Variants in MAML3 observed in about 807,000 individuals in gnomAD.
MAML3 encodes the protein mastermind-like protein 3.
Under a neutral mutation model 101.9 loss-of-function variants are expected in MAML3, and 27 were observed. That is an observed-to-expected ratio of 0.27 (90% confidence interval 0.20 to 0.37). The LOEUF is 0.37. Ranked by LOEUF, MAML3 falls within the 10% of genes least tolerant of loss-of-function variation. MAML3 has a pLI of 1.00. For synonymous variants in MAML3, 501 were observed against 555.9 expected, an observed-to-expected ratio of 0.90 and a Z score of 1.39; for missense variants, 1,316 against 1,444.9, an observed-to-expected ratio of 0.91 and a Z score of 1.45.
rs145496327 is a variant in MAML3 at position 139,832,310 on chromosome 4, C to T, written c.2079+57047G>A. On this transcript the variant is annotated intron_variant, in intron 2 of 4. Transcript: ENST00000509479. ...TTTATTTTTAGTAGACAGGGTTTTG[C>T]GATGTTGCCTAGGCTGGTCTTGAAG... Among the ~76,000 whole-genome samples, 1,409 of 149,602 alleles carry T rather than the reference C, an allele frequency of 9.4e-3. 24 individuals are homozygous for T. Among genetic ancestry groups the T allele is most frequent in the African/African-American group, 0.033 (1,317 of 40,226 alleles).
At chr4:139,888,683 G>A (rs137882411) in intron 2 of MAML3, 31 of 518,600 alleles carry the variant, frequency 6.0e-5, no homozygotes, top group African/African-American at 5.0e-4. Context: ...ACAGCACTAA[G>A]ATATATTCAC....
intron 2 of MAML3, among the ~76,000 whole-genome samples, chr4:139,736,306 A>C (rs1397283062): frequency 1.3e-5 from 2 of 152,232 alleles, no homozygotes; most frequent in Non-Finnish European, 2.9e-5. Context: ...TTTATTAGTA[A>C]GTTTGAGAAG....
chr4:140,032,603 G>T (rs112943464), intron 1 of MAML3, among the ~76,000 whole-genome samples: 2,731 of 152,140 alleles, frequency 0.018, 90 homozygotes, highest in African/African-American at 0.061. Flanking sequence ...AATACTGAAA[G>T]TATTAGACTC....
At chr4:140,002,574 A>G (rs1734943668) in intron 1 of MAML3, among the ~76,000 whole-genome samples, 1 of 152,230 alleles carries the variant, frequency 6.6e-6, no homozygotes, top group Non-Finnish European at 1.5e-5. Flanking sequence ...ATTCCACCAT[A>G]CTATAGGTTC....
chr4:139,921,732 C>T (rs557639999), intron 1 of MAML3, among the ~76,000 whole-genome samples: 2 of 152,148 alleles, frequency 1.3e-5, no homozygotes, highest in Non-Finnish European at 2.9e-5. Context: ...TCTCCCACTG[C>T]AGCACCTGGG....
At chr4:139,737,698 C>A (rs1729000316) in intron 2 of MAML3, among the ~76,000 whole-genome samples, 2 of 152,094 alleles carry the variant, frequency 1.3e-5, no homozygotes, top group South Asian at 2.1e-4. Context: ...CCTTACAATT[C>A]CCTTTGAAGT....
chr4:139,952,981 T>C lies in MAML3; in HGVS notation c.469-62014A>G, dbSNP rs910308864. Among the ~76,000 whole-genome samples the C allele has an allele frequency of 5.3e-5, 8 of 152,174 alleles. No homozygotes were observed. The East Asian group carries it at 1.3e-3, about 26-fold the overall frequency. ...TGGATGACAGAGAAAAAAACTCATA[T>C]TTGAGGTCACTGGGGATTTCAGGGT... is the stretch of plus-strand genomic sequence containing the variant. On this transcript the variant is annotated intron_variant, in intron 1 of 4. Transcript: ENST00000509479.
intron 2 of MAML3, among the ~76,000 whole-genome samples, chr4:139,879,965 G>A (rs138136731): frequency 6.5e-4 from 99 of 152,198 alleles, no homozygotes; most frequent in African/African-American, 1.9e-3. Context: ...CTGAGCTTAG[G>A]AGTTTGTGAC....
intron 1 of MAML3, among the ~76,000 whole-genome samples, chr4:140,121,120 TATG>T (rs1181032499): frequency 2.0e-5 from 3 of 152,348 alleles, no homozygotes; most frequent in Admixed American, 6.5e-5. Flanking sequence ...CGCATAAAAC[TATG>T]ATGAACTCAG....
chr4:139,742,048 CT>C (rs771719531), intron 2 of MAML3, among the ~76,000 whole-genome samples: 65 of 152,240 alleles, frequency 4.3e-4, no homozygotes, highest in Admixed American at 1.9e-3. Flanking sequence ...TAACACAGCC[CT>C]TGACTCCACG....
rs540976172 is a variant in MAML3 at position 139,719,968 on chromosome 4, G to C, written c.2772C>G (p.Ala924=). 1 of 1,614,082 alleles carries C rather than the reference G, an allele frequency of 6.2e-7. No homozygotes were observed. Among genetic ancestry groups the C allele is most frequent in the Admixed American group, 1.7e-5 (1 of 60,032 alleles). Residue 924 remains alanine (A), a synonymous_variant, in exon 5 of 5, where the codon GCC becomes GCG. Transcript: ENST00000509479. ...GFGQSMLVNS[A]ITQQHPQMKG... ...TCATCTGTGGATGTTGCTGGGTAAT[G>C]GCTGAGTTCACCAGCATGCTCTGAC...
intron 2 of MAML3, chr4:139,889,066 C>T: frequency 1.9e-6 from 1 of 522,178 alleles, no homozygotes. Flanking sequence ...CCTCTGCAGC[C>T]TCCCTCCCTC....
At chr4:139,795,731 C>T (rs928951643) in intron 2 of MAML3, among the ~76,000 whole-genome samples, 3 of 152,132 alleles carry the variant, frequency 2.0e-5, no homozygotes, top group African/African-American at 4.8e-5. Context: ...GTCTTTTTAG[C>T]GGACCTCCTG....
chr4:139,727,600 G>T (rs902555123), intron 3 of MAML3, among the ~76,000 whole-genome samples: 1 of 152,148 alleles, frequency 6.6e-6, no homozygotes, highest in African/African-American at 2.4e-5. Context: ...AAAATGATGG[G>T]ACTTCATGAT....
At chr4:139,749,609 G>T (rs1473525687) in intron 2 of MAML3, among the ~76,000 whole-genome samples, 1 of 152,228 alleles carries the variant, frequency 6.6e-6, no homozygotes, top group Non-Finnish European at 1.5e-5. Context: ...CAGAACACGT[G>T]AAAGGACTTG....
chr4:139,929,530 T>C (rs1276572258), intron 1 of MAML3, among the ~76,000 whole-genome samples: 1 of 152,224 alleles, frequency 6.6e-6, no homozygotes, highest in Non-Finnish European at 1.5e-5. Flanking sequence ...GCTACTCTAT[T>C]AATGTTGTAT....
At chr4:140,023,164 T>C (rs923772071) in intron 1 of MAML3, among the ~76,000 whole-genome samples, 1 of 152,210 alleles carries the variant, frequency 6.6e-6, no homozygotes, top group Non-Finnish European at 1.5e-5. Context: ...TGCAGAATGA[T>C]ACTGAGAACT....
At chr4:139,859,227 ATTT>A (rs61061197) in intron 2 of MAML3, among the ~76,000 whole-genome samples, 5 of 135,480 alleles carry the variant, frequency 3.7e-5, no homozygotes, top group Admixed American at 7.2e-5. Context: ...GTTCTACTAC[ATTT>A]TTTTTTTTTT....
chr4:139,749,888 C>T (rs199539267), intron 2 of MAML3, among the ~76,000 whole-genome samples: 1 of 107,440 alleles, frequency 9.3e-6, no homozygotes, highest in South Asian at 2.8e-4. Context: ...AATAAGAACC[C>T]CCCCCCACCC....
Sources: gnomAD v4.1 joint callset for allele counts (sites outside exome capture counted in the v4.1 genomes callset) on GRCh38, gnomAD v4.1.1 for gene constraint, MANE v1.5 for transcripts, NCBI Gene and HGNC (gene_info 2026-07-23, HGNC 2026-07-21) for gene names.